The following SLC38A4 variants were observed in gnomAD, a reference collection of about 807,000 sequenced individuals.
The protein encoded by SLC38A4 is solute carrier family 38 member 4.
In SLC38A4, 20 loss-of-function variants were observed where a neutral mutation model predicts 63.1. The ratio of observed to expected loss-of-function variants is 0.32; its 90% CI spans 0.22 to 0.46. The LOEUF (loss-of-function observed/expected upper bound fraction) is 0.46, where lower values mean the gene tolerates loss of function less well. SLC38A4 is among the 20% of genes least tolerant of loss of function. The pLI is 1.00. For missense variants in SLC38A4, 526 were observed against 663.6 expected, an observed-to-expected ratio of 0.79 and a Z score of 2.28; for synonymous variants, 230 against 225.5, an observed-to-expected ratio of 1.02 and a Z score of -0.18.
At chr12:46,820,647 G>A (rs775860405) in intron 1 of SLC38A4, among the ~76,000 whole-genome samples, 2 of 152,016 alleles carry the variant, frequency 1.3e-5, no homozygotes, top group Non-Finnish European at 2.9e-5. Context: ...TAGGAGTGCA[G>A]GTATCGCTCT....
At chr12:46,767,563 G>T (rs1163044235) in intron 16 of SLC38A4, among the ~76,000 whole-genome samples, 2 of 152,068 alleles carry the variant, frequency 1.3e-5, no homozygotes, top group Non-Finnish European at 2.9e-5. Flanking sequence ...GGAGCAAGCT[G>T]CTGGGTGGAC....
intron 6 of SLC38A4, among the ~76,000 whole-genome samples, chr12:46,784,870 A>T (rs1032673911): frequency 6.6e-6 from 1 of 152,148 alleles, no homozygotes; most frequent in Non-Finnish European, 1.5e-5. Flanking sequence ...AGTTATTTCT[A>T]TCATATATCA....
intron 12 of SLC38A4, 25 bp from the exon 13 acceptor site, chr12:46,777,029 T>A (rs1938542720): frequency 6.3e-7 from 1 of 1,578,302 alleles, no homozygotes; most frequent in African/African-American, 1.4e-5. Flanking sequence ...AACACCAAGC[T>A]TTGTTTTTTA....
chr12:46,793,300 A>G (rs1938928173), intron 2 of SLC38A4, 117 bp from the exon 3 acceptor site: 1 of 329,718 alleles, frequency 3.0e-6, no homozygotes, highest in African/African-American at 2.1e-5. Context: ...AAACTCCTGA[A>G]AACTTTACAT....
intron 3 of SLC38A4, among the ~76,000 whole-genome samples, chr12:46,791,139 G>C (rs545025161): frequency 4.6e-5 from 7 of 152,314 alleles, no homozygotes; most frequent in African/African-American, 7.2e-5. Context: ...TTGTGTGCAT[G>C]CCTTTCAGAA....
At chr12:46,813,369 TTA>T (rs1359715340) in intron 1 of SLC38A4, among the ~76,000 whole-genome samples, 1 of 152,010 alleles carries the variant, frequency 6.6e-6, no homozygotes, top group African/African-American at 2.4e-5. Flanking sequence ...TCTAAGTTCG[TTA>T]TTGTTTTCTC....
rs201247215 is a variant in SLC38A4 at position 46,776,980 on chromosome 12, C to T, written c.1098G>A (p.Thr366=). The T allele has an allele frequency of 2.9e-5, 46 of 1,611,544 alleles. No individual in the cohort carries two copies. The highest frequency in any genetic ancestry group is 8.9e-5 in the East Asian group (4 of 44,812). The change falls in exon 13 of 17, where the codon ACG becomes ACA. Residue 366 remains threonine (T), a synonymous_variant. Transcript: ENST00000266579. Reference sequence around the variant, plus strand: ...TCCCCGTGATGGAAATATTTGACACCGTTTGCATTTTTCTCCGGGACCGAC... The same window carrying T: ...TCCCCGTGATGGAAATATTTGACACTGTTTGCATTTTTCTCCGGGACCGAC... ...LKDRSRRKMQ[T]VSNISITGML...
intron 1 of SLC38A4, among the ~76,000 whole-genome samples, chr12:46,805,238 A>G (rs2120872078): frequency 6.6e-6 from 1 of 152,134 alleles, no homozygotes; most frequent in East Asian, 1.9e-4. Flanking sequence ...CATTGGATAA[A>G]AATTAAAAGC....
intron 1 of SLC38A4, among the ~76,000 whole-genome samples, chr12:46,823,731 G>A (rs4587804): frequency 0.56 from 85,109 of 152,038 alleles, 24,455 homozygotes; most frequent in Non-Finnish European, 0.61. Flanking sequence ...GATAGTAGTG[G>A]ATATTTTGTT....
At chr12:46,823,784 G>A (rs900733843) in intron 1 of SLC38A4, among the ~76,000 whole-genome samples, 8 of 152,150 alleles carry the variant, frequency 5.3e-5, no homozygotes, top group Admixed American at 1.3e-4. Flanking sequence ...CAATGGGTAC[G>A]GGCTGAAGGG....
At chr12:46,773,739 C>T (rs868062290) in intron 14 of SLC38A4, among the ~76,000 whole-genome samples, 5 of 152,074 alleles carry the variant, frequency 3.3e-5, no homozygotes, top group African/African-American at 1.2e-4. Flanking sequence ...CTGTTACCAG[C>T]TGTCTGTGTG....
intron 1 of SLC38A4, among the ~76,000 whole-genome samples, chr12:46,818,949 G>A (rs945223768): frequency 6.6e-6 from 1 of 151,654 alleles, no homozygotes; most frequent in Non-Finnish European, 1.5e-5. Flanking sequence ...TATTAAAGTG[G>A]AATTGATCAA....
chr12:46,821,706 T>A (rs2120922918), intron 1 of SLC38A4, among the ~76,000 whole-genome samples: 1 of 152,282 alleles, frequency 6.6e-6, no homozygotes, highest in South Asian at 2.1e-4. Flanking sequence ...ATTTTATGAT[T>A]ATTTTTCCTA....
intron 7 of SLC38A4, among the ~76,000 whole-genome samples, chr12:46,782,520 T>G (rs1191592520): frequency 6.6e-6 from 1 of 152,026 alleles, no homozygotes; most frequent in African/African-American, 2.4e-5. Context: ...GGAAAACCTA[T>G]GAGTAGTTAT....
Position 46,784,603 on chromosome 12 carries a change from C to T in SLC38A4, c.432G>A (p.Lys144=), listed in dbSNP as rs763199882. ...GSLIYEKLGE[K]AFGWPGKIGA... is the part of the protein sequence containing the mutation. The stretch of plus-strand genomic sequence containing the variant: ...CAATTTTTCCCGGCCATCCAAATGC[C>T]TTTTCTCCTAATTTTTCATAAATCA... Residue 144 remains lysine, a synonymous_variant, in exon 7 of 17, where the codon AAG becomes AAA. Coordinates refer to ENST00000266579, the MANE Select transcript of SLC38A4 (RefSeq NM_018018.5). 4 of 1,612,788 alleles carry T rather than the reference C, an allele frequency of 2.5e-6. No individual in the cohort carries two copies. Among genetic ancestry groups the T allele is most frequent in the Admixed American group, 1.7e-5 (1 of 59,920 alleles).
intron 14 of SLC38A4, among the ~76,000 whole-genome samples, chr12:46,770,505 G>A (rs1315772579): frequency 6.6e-6 from 1 of 151,932 alleles, no homozygotes. Context: ...TTGAATAGTA[G>A]GAATCTTATC....
rs757641652 is a variant in SLC38A4, at chr12:46,786,486, T to C, written c.327-1309A>G. ...ATTCTTCTCTCATGAAGATGATCTATGACTGTGGGATTGGGGGAAGTTTTT... is the reference window on the plus strand; with the variant it reads ...ATTCTTCTCTCATGAAGATGATCTACGACTGTGGGATTGGGGGAAGTTTTT... On this transcript the variant is annotated intron_variant, in intron 5 of 16. Transcript: ENST00000266579. Among the ~76,000 whole-genome samples, 25 of 152,128 alleles carry C rather than the reference T, an allele frequency of 1.6e-4. 1 individual carries two copies. Among genetic ancestry groups the C allele is most frequent in the Non-Finnish European group, 7.4e-5 (5 of 68,010 alleles).
At chr12:46,797,439 A>T (rs1370493024) in intron 2 of SLC38A4, among the ~76,000 whole-genome samples, 2 of 152,090 alleles carry the variant, frequency 1.3e-5, no homozygotes, top group African/African-American at 4.8e-5. Context: ...GCCCTTGAAC[A>T]TTGGAGCTCC....
chr12:46,795,541 A>G (rs1938985592), intron 2 of SLC38A4, among the ~76,000 whole-genome samples: 1 of 152,060 alleles, frequency 6.6e-6, no homozygotes, highest in Non-Finnish European at 1.5e-5. Context: ...CTCAGCTGCT[A>G]GTTTCTTGAA....
Sources: allele counts gnomAD v4.1 joint callset (sites outside exome capture counted in the v4.1 genomes callset), GRCh38; gene constraint gnomAD v4.1.1; transcripts MANE v1.5; gene names NCBI Gene and HGNC (gene_info 2026-07-23, HGNC 2026-07-21).